ANK2: variants seen among roughly 807,000 people sequenced by gnomAD.
The protein encoded by ANK2 is ankyrin-2.
ANK2 carries 83 observed loss-of-function variants against 360.5 expected under a neutral mutation model. The observed-to-expected ratio is 0.23, with a 90% CI of 0.19 to 0.28. The LOEUF (loss-of-function observed/expected upper bound fraction) is 0.28. ANK2 is among the 10% of genes least tolerant of loss of function. The pLI, the probability that ANK2 is intolerant of heterozygous loss-of-function variation, is 1.00. For synonymous variants in ANK2, 1,740 were observed against 1,759.5 expected (o/e 0.99, Z 0.28); for missense variants, 4,201 against 4,795.7 (o/e 0.88, Z 3.66).
At chr4:112,734,135 CAT>C in the ANK2 span, among the ~76,000 whole-genome samples, 15 of 152,118 alleles carry the variant, frequency 9.9e-5, no homozygotes, top group African/African-American at 3.6e-4. Flanking sequence ...TGCATATATA[CAT>C]ATATATATGC....
intron 2 of ANK2, among the ~76,000 whole-genome samples, chr4:113,177,273 G>C (rs574066500): frequency 6.6e-6 from 1 of 152,108 alleles, no homozygotes; most frequent in East Asian, 1.9e-4. Context: ...GTAGAGACGG[G>C]GTTTCACCAT....
At chr4:113,301,048 T>C (rs1293446310) in intron 22 of ANK2, among the ~76,000 whole-genome samples, 1 of 152,234 alleles carries the variant, frequency 6.6e-6, no homozygotes, top group Non-Finnish European at 1.5e-5. Flanking sequence ...CATTATAGCC[T>C]TTCAAACAAT....
intron 22 of ANK2, 130 bp downstream of exon 22, chr4:113,293,668 T>A: frequency 1.1e-6 from 1 of 874,080 alleles, no homozygotes; most frequent in Non-Finnish European, 1.8e-6. Flanking sequence ...TTGAAAGTAT[T>A]GTAGCACATA....
intron 2 of ANK2, among the ~76,000 whole-genome samples, chr4:113,012,206 C>G (rs1021648949): frequency 3.3e-5 from 5 of 152,126 alleles, no homozygotes; most frequent in Non-Finnish European, 7.4e-5. Flanking sequence ...CCTATCAAAA[C>G]AGAATGATTC....
At chr4:113,092,986 T>A (rs2089287350) in intron 1 of ANK2, among the ~76,000 whole-genome samples, 1 of 152,180 alleles carries the variant, frequency 6.6e-6, no homozygotes, top group Admixed American at 6.5e-5. Flanking sequence ...AACACTGGAA[T>A]GGGAATTACA....
At chr4:112,926,795 A>C (rs1220798626) in intron 2 of ANK2, among the ~76,000 whole-genome samples, 1 of 152,266 alleles carries the variant, frequency 6.6e-6, no homozygotes, top group African/African-American at 2.4e-5. Context: ...CCAGCTTTAC[A>C]TATATTAGCA....
intron 20 of ANK2, 126 bp downstream of exon 20, chr4:113,288,612 C>T (rs1244561471): frequency 2.3e-5 from 18 of 786,560 alleles, no homozygotes; most frequent in South Asian, 7.8e-5. Context: ...GTGATTTTGA[C>T]GAGGTGATGT....
intron 5 of ANK2, among the ~76,000 whole-genome samples, chr4:113,236,327 T>C (rs1299760342): frequency 6.6e-6 from 1 of 152,182 alleles, no homozygotes; most frequent in Non-Finnish European, 1.5e-5. Flanking sequence ...TCTTTTTAAG[T>C]TTAGAATTGA....
chr4:113,192,428 G>A (rs1226691385), intron 2 of ANK2, among the ~76,000 whole-genome samples: 1 of 152,176 alleles, frequency 6.6e-6, no homozygotes, highest in Non-Finnish European at 1.5e-5. Flanking sequence ...AGTGCACTCT[G>A]TCTTTCTTTA....
At chr4:112,958,538 G>A (rs991457015) in intron 2 of ANK2, among the ~76,000 whole-genome samples, 6 of 152,228 alleles carry the variant, frequency 3.9e-5, no homozygotes, top group Non-Finnish European at 8.8e-5. Flanking sequence ...AGCCGAGATG[G>A]CAGCAGTACA....
intron 1 of ANK2, among the ~76,000 whole-genome samples, chr4:113,068,011 G>C (rs1187490250): frequency 6.6e-6 from 1 of 152,190 alleles, no homozygotes; most frequent in African/African-American, 2.4e-5. Context: ...GCTCTTAAAA[G>C]TCTATTTATC....
intron 7 of ANK2, 110 bp downstream of exon 7, chr4:113,237,732 G>T: frequency 9.6e-7 from 1 of 1,042,752 alleles, no homozygotes; most frequent in Non-Finnish European, 1.5e-6. Context: ...TTGATTAATG[G>T]GAAATTAATT....
At chr4:113,171,230 A>C (rs1281335734) in intron 1 of ANK2, among the ~76,000 whole-genome samples, 3 of 152,136 alleles carry the variant, frequency 2.0e-5, no homozygotes, top group African/African-American at 7.2e-5. Flanking sequence ...TCTCTCCCTG[A>C]ATGTTTGAAT....
the ANK2 span, among the ~76,000 whole-genome samples, chr4:112,805,439 G>A: frequency 8.6e-3 from 1,311 of 152,180 alleles, 21 homozygotes; most frequent in African/African-American, 0.03. Context: ...ATCATTTTTT[G>A]TGCTCGCTAT....
intron 1 of ANK2, among the ~76,000 whole-genome samples, chr4:112,858,515 G>C (rs1410544487): frequency 6.6e-6 from 1 of 152,146 alleles, no homozygotes; most frequent in East Asian, 1.9e-4. Flanking sequence ...CCAAAGTTGT[G>C]TCTAATCTAT....
chr4:113,216,620 T>A (rs17529781), intron 4 of ANK2, among the ~76,000 whole-genome samples: 5,677 of 152,322 alleles, frequency 0.037, 127 homozygotes, highest in East Asian at 0.067. Context: ...CTTGCTCCAG[T>A]AAACACATCT....
Position 113,358,997 on chromosome 4 carries a change from C to T in ANK2, c.10379C>T (p.Thr3460Ile). ...TCCTGCAGGGGGGGCACGAGCCCCA[C>T]AAAAGAAAGTAAGGAGCATTTCTTT... Reference protein sequence around the residue: ...TSSCRGGTSPTKESKEHFFDL... With the variant: ...TSSCRGGTSPIKESKEHFFDL... Residue 3460 changes from threonine (T) to isoleucine (I), a missense_variant, in exon 38 of 46, where the codon ACA (threonine) becomes ATA (isoleucine). Around this residue, in one of 4 missense-constraint regions of ANK2, gnomAD observed 2,642 missense variants for 2,714.5 expected, o/e 0.97. Transcript: ENST00000357077. The T allele has an allele frequency of 2.5e-6, 4 of 1,613,990 alleles. No individual in the cohort carries two copies. Among genetic ancestry groups the T allele is most frequent in the Non-Finnish European group, 3.4e-6 (4 of 1,179,942 alleles).
chr4:112,919,128 T>C (rs921579779), intron 2 of ANK2, among the ~76,000 whole-genome samples: 4 of 152,186 alleles, frequency 2.6e-5, no homozygotes, highest in Non-Finnish European at 4.4e-5. Context: ...GGAATATGCA[T>C]ACTAATATTG....
At chr4:112,709,934 G>A in the ANK2 span, among the ~76,000 whole-genome samples, 6 of 152,016 alleles carry the variant, frequency 3.9e-5, no homozygotes, top group Non-Finnish European at 8.8e-5. Context: ...CCTTCCCCAT[G>A]GTCTCTGGGT....
Sources: gnomAD v4.1 joint callset for allele counts (sites outside exome capture counted in the v4.1 genomes callset) on GRCh38, gnomAD v4.1.1 for gene constraint, gnomAD v4.1.1 regional missense constraint, MANE v1.5 for transcripts, NCBI Gene and HGNC (gene_info 2026-07-23, HGNC 2026-07-21) for gene names.